Variants in XNDC1N observed in about 807,000 individuals in gnomAD.
The protein encoded by XNDC1N is XRCC1 N-terminal domain containing 1, N-terminal like.
At chr11:71,899,113 T>C in the XNDC1N span, among the ~76,000 whole-genome samples, 6 of 152,158 alleles carry the variant, frequency 3.9e-5, no homozygotes, top group African/African-American at 1.4e-4. Flanking sequence ...TTGGGGAACT[T>C]GGGTGACTTT....
the XNDC1N span, chr11:71,928,321 C>G: frequency 8.1e-6 from 5 of 615,792 alleles, no homozygotes; most frequent in African/African-American, 7.4e-5. Context: ...CCTCCTCCCT[C>G]TCGGCCACTC....
the XNDC1N span, among the ~76,000 whole-genome samples, chr11:71,866,146 CTTT>C: frequency 1.9e-4 from 28 of 146,944 alleles, no homozygotes; most frequent in Admixed American, 2.0e-4. Flanking sequence ...GAGATAACCC[CTTT>C]TTTTTTTTTT....
chr11:71,883,270 G>A, the XNDC1N span, among the ~76,000 whole-genome samples: 4 of 151,872 alleles, frequency 2.6e-5, no homozygotes, highest in African/African-American at 9.7e-5. Context: ...AACCACAAAG[G>A]ACCCAGAATA....
At chr11:71,926,018 T>A in the XNDC1N span, 2 of 152,076 alleles carry the variant, frequency 1.3e-5, no homozygotes. Context: ...AGGCCTGTAA[T>A]CCCAGCACAT....
the XNDC1N span, chr11:71,904,195 T>A: frequency 4.9e-6 from 2 of 411,824 alleles, no homozygotes; most frequent in Non-Finnish European, 4.9e-6. Flanking sequence ...CAAATAAGAA[T>A]GATATCACAG....
At chr11:71,918,872 A>C in the XNDC1N span, 1 of 702,034 alleles carries the variant, frequency 1.4e-6, no homozygotes, top group African/African-American at 1.7e-5. Context: ...TTCCTAGGCC[A>C]CAGAGAACTC....
the XNDC1N span, among the ~76,000 whole-genome samples, chr11:71,906,007 G>C: frequency 4.0e-5 from 6 of 151,854 alleles, no homozygotes; most frequent in African/African-American, 1.5e-4. Flanking sequence ...GTACACCCCT[G>C]TAACATTAGG....
the XNDC1N span, among the ~76,000 whole-genome samples, chr11:71,897,289 C>A: frequency 1.7e-4 from 26 of 152,212 alleles, no homozygotes; most frequent in African/African-American, 6.0e-4. Context: ...TGAGTGAAAA[C>A]ATAACCCATG....
the XNDC1N span, among the ~76,000 whole-genome samples, chr11:71,882,785 T>A: frequency 6.6e-6 from 1 of 152,258 alleles, no homozygotes; most frequent in South Asian, 2.1e-4. Flanking sequence ...GCATCCAAAC[T>A]GTTGGGGGGT....
the XNDC1N span, chr11:71,927,851 G>A: frequency 6.6e-6 from 1 of 152,410 alleles, no homozygotes; most frequent in Admixed American, 6.5e-5. Flanking sequence ...TTAAGTAAAT[G>A]GGATGCCTGT....
the XNDC1N span, among the ~76,000 whole-genome samples, chr11:71,905,526 G>C: frequency 2.0e-5 from 3 of 151,988 alleles, no homozygotes; most frequent in Non-Finnish European, 2.9e-5. Context: ...CACACCCTCT[G>C]TGATATTAGC....
At chr11:71,911,175 C>G in the XNDC1N span, among the ~76,000 whole-genome samples, 1 of 152,244 alleles carries the variant, frequency 6.6e-6, no homozygotes, top group African/African-American at 2.4e-5. Flanking sequence ...TGGGCAAAAC[C>G]TGAACATAAA....
the XNDC1N span, among the ~76,000 whole-genome samples, chr11:71,892,245 G>A: frequency 1.3e-5 from 2 of 151,958 alleles, no homozygotes; most frequent in Admixed American, 1.3e-4. Flanking sequence ...CTACCTAGTA[G>A]ATAACAAATA....
At chr11:71,913,315 AG>A in the XNDC1N span, among the ~76,000 whole-genome samples, 1 of 151,952 alleles carries the variant, frequency 6.6e-6, no homozygotes, top group South Asian at 2.1e-4. Context: ...AGATTTTCAC[AG>A]GGGTGTGTTA....
the XNDC1N span, among the ~76,000 whole-genome samples, chr11:71,875,065 T>A: frequency 6.6e-6 from 1 of 152,084 alleles, no homozygotes; most frequent in African/African-American, 2.4e-5. Flanking sequence ...CCTGGGACAA[T>A]CTCATAACAT....
At chr11:71,908,995 C>CT in the XNDC1N span, among the ~76,000 whole-genome samples, 1 of 152,144 alleles carries the variant, frequency 6.6e-6, no homozygotes, top group Non-Finnish European at 1.5e-5. Context: ...AACAAGCTCT[C>CT]TGAGGTCATT....
the XNDC1N span, among the ~76,000 whole-genome samples, chr11:71,891,824 G>A: frequency 6.6e-6 from 1 of 152,004 alleles, no homozygotes; most frequent in Non-Finnish European, 1.5e-5. Context: ...CACCCCCCAC[G>A]ATGACGGGAG....
chr11:71,880,249 T>C, the XNDC1N span, among the ~76,000 whole-genome samples: 1 of 152,146 alleles, frequency 6.6e-6, no homozygotes, highest in East Asian at 1.9e-4. Flanking sequence ...TTTGGGAAAG[T>C]TAGATTGATT....
At chr11:71,903,152 C>G in the XNDC1N span, 1 of 673,014 alleles carries the variant, frequency 1.5e-6, no homozygotes, top group Admixed American at 2.1e-5. Flanking sequence ...GATTTTTCAA[C>G]CCTCTTTTCC....
Sources: gnomAD v4.1 joint callset for allele counts (sites outside exome capture counted in the v4.1 genomes callset) on GRCh38, gnomAD v4.1.1 for gene constraint, MANE v1.5 for transcripts, NCBI Gene and HGNC (gene_info 2026-07-23, HGNC 2026-07-21) for gene names.